The following SLC12A1 variants were observed in gnomAD, a reference collection of about 807,000 sequenced individuals.
SLC12A1 encodes the protein solute carrier family 12 member 1, also known as Na-K-2Cl cotransporter.
SLC12A1 carries 89 observed loss-of-function variants against 130.4 expected under a neutral mutation model. The observed-to-expected ratio is 0.68, with a 90% confidence interval of 0.58 to 0.81. The LOEUF (loss-of-function observed/expected upper bound fraction) is 0.81, where lower values mean the gene tolerates loss of function less well. Ranked by LOEUF, SLC12A1 falls within the 40% of genes least tolerant of loss-of-function variation. The pLI, the probability that SLC12A1 is intolerant of heterozygous loss-of-function variation, is 0.00. For missense variants in SLC12A1, 1,310 were observed against 1,336.4 expected (o/e 0.98, Z 0.31); for synonymous variants, 499 against 460.0 (o/e 1.08, Z -1.09).
At chr15:48,209,578 T>G (rs1346628866) in intron 2 of SLC12A1, among the ~76,000 whole-genome samples, 3 of 152,238 alleles carry the variant, frequency 2.0e-5, no homozygotes, top group Non-Finnish European at 2.9e-5. Context: ...TTCAAACAGT[T>G]CCTTTTGTAT....
rs149253202 is a variant in SLC12A1 at position 48,283,774 on chromosome 15, T to C, written c.2486-1332T>C. The stretch of plus-strand genomic sequence containing the variant: ...TGTAACACTGAATCTAGGTTTTCTA[T>C]CCTCTTCCTCTGAGCATTGCTCATT... On this transcript the variant is annotated intron_variant, in intron 20 of 26. Transcript: ENST00000380993. 3.2e-3 allele frequency among the ~76,000 whole-genome samples: 486 copies of C among 152,344 alleles called. 2 individuals carry two copies. Among genetic ancestry groups the C allele is most frequent in the African/African-American group, 0.011 (467 of 41,586 alleles).
At chr15:48,283,234 T>A (rs1361377324) in intron 20 of SLC12A1, among the ~76,000 whole-genome samples, 1 of 152,220 alleles carries the variant, frequency 6.6e-6, no homozygotes, top group East Asian at 1.9e-4. Flanking sequence ...TTTATTCTTT[T>A]TGCAAAGCTT....
At chr15:48,216,800 A>T (rs1181406830) in intron 2 of SLC12A1, among the ~76,000 whole-genome samples, 1 of 152,242 alleles carries the variant, frequency 6.6e-6, no homozygotes, top group Non-Finnish European at 1.5e-5. Flanking sequence ...TATGAAAAAA[A>T]TGAAAGTTAC....
chr15:48,253,210 C>T (rs1254514045), intron 15 of SLC12A1, among the ~76,000 whole-genome samples: 1 of 152,192 alleles, frequency 6.6e-6, no homozygotes, highest in Admixed American at 6.5e-5. Context: ...ATATAACTTA[C>T]ATATGGCAAA....
In SLC12A1 at chr15:48,284,875, C is replaced by A. The variant is rs113007974; in HGVS notation, c.2486-231C>A. On this transcript the variant is annotated intron_variant, in intron 20 of 26. Transcript: ENST00000380993. ...CAAACTCCTGGGCTCAAACGATACA[C>A]CCATCTTGGCTTCCCAAAGTGCTGA... 4.9e-3 allele frequency among the ~76,000 whole-genome samples: 742 copies of A among 152,300 alleles called. 8 individuals carry two copies. The highest frequency in any genetic ancestry group is 0.044 in the Middle Eastern group (13 of 294).
intron 7 of SLC12A1, 51 bp downstream of exon 7, chr15:48,230,554 C>A: frequency 1.7e-6 from 2 of 1,143,850 alleles, no homozygotes; most frequent in Admixed American, 1.9e-5. Flanking sequence ...AGGTCCTGAA[C>A]AAATTGCAGG....
At chr15:48,227,293 T>C (rs2041302746) in intron 5 of SLC12A1, 2 of 803,370 alleles carry the variant, frequency 2.5e-6, no homozygotes, top group Admixed American at 4.9e-5. Flanking sequence ...CTAAACAAAA[T>C]AACCCAAAAT....
chr15:48,286,392 T>C (rs1201769822), intron 21 of SLC12A1, among the ~76,000 whole-genome samples: 1 of 152,204 alleles, frequency 6.6e-6, no homozygotes, highest in African/African-American at 2.4e-5. Flanking sequence ...CATCAGGACT[T>C]TTAGGGTGAA....
At chr15:48,214,687 C>A (rs950795780) in intron 2 of SLC12A1, among the ~76,000 whole-genome samples, 3 of 152,056 alleles carry the variant, frequency 2.0e-5, no homozygotes, top group African/African-American at 7.2e-5. Context: ...ATATGTTTTT[C>A]ATTCTGAAAT....
intron 2 of SLC12A1, among the ~76,000 whole-genome samples, chr15:48,210,350 A>G (rs909508599): frequency 2.0e-5 from 3 of 152,210 alleles, no homozygotes; most frequent in Non-Finnish European, 4.4e-5. Context: ...TAGTGTCACA[A>G]TTTAAATATT....
At chr15:48,207,184 T>G (rs1221176179) in intron 1 of SLC12A1, among the ~76,000 whole-genome samples, 1 of 152,202 alleles carries the variant, frequency 6.6e-6, no homozygotes. Flanking sequence ...GTCAGTGAAC[T>G]GTGTCTTAGG....
chr15:48,275,364 A>G (rs530370193), intron 20 of SLC12A1, among the ~76,000 whole-genome samples: 2 of 152,336 alleles, frequency 1.3e-5, no homozygotes, highest in East Asian at 3.9e-4. Context: ...TACCAGGCAT[A>G]GTGTAGGTGC....
intron 24 of SLC12A1, among the ~76,000 whole-genome samples, chr15:48,295,968 G>T (rs2042174164): frequency 6.6e-6 from 1 of 152,308 alleles, no homozygotes; most frequent in East Asian, 1.9e-4. Context: ...TGGCACATTT[G>T]TAATACCTTA....
At chr15:48,287,175 G>A (rs928128533) in intron 21 of SLC12A1, among the ~76,000 whole-genome samples, 87 of 152,116 alleles carry the variant, frequency 5.7e-4, no homozygotes, top group African/African-American at 2.0e-3. Context: ...TGCTACGTAC[G>A]CTGTGGCAAA....
intron 20 of SLC12A1, among the ~76,000 whole-genome samples, chr15:48,277,233 C>T (rs2041962610): frequency 2.0e-5 from 3 of 151,418 alleles, no homozygotes; most frequent in Admixed American, 6.6e-5. Context: ...AAAGGGGCGA[C>T]CCACGGAGTA....
chr15:48,225,053 G>A (rs1226181065), intron 4 of SLC12A1: 2 of 152,164 alleles, frequency 1.3e-5, no homozygotes, highest in African/African-American at 4.8e-5. Flanking sequence ...TATAACTACT[G>A]TGAATATGAT....
intron 23 of SLC12A1, among the ~76,000 whole-genome samples, chr15:48,291,509 C>A (rs1288107244): frequency 6.6e-6 from 1 of 152,106 alleles, no homozygotes; most frequent in Non-Finnish European, 1.5e-5. Flanking sequence ...ATTCTGTTCC[C>A]TGTGACATAA....
chr15:48,230,377 T>A lies in SLC12A1; in HGVS notation c.865-16T>A. The A allele has an allele frequency of 6.5e-7, 1 of 1,536,506 alleles. No homozygotes were observed. Among genetic ancestry groups the A allele is most frequent in the Non-Finnish European group, 9.0e-7 (1 of 1,113,380 alleles). ...AAAAGCTGTATCTCTAAGCACTTAA[T>A]AATTTGTTTCCCCAGGAGAGTGATT... On this transcript the variant is annotated splice_polypyrimidine_tract_variant and intron_variant, in intron 6 of 26. Coordinates refer to ENST00000380993, the MANE Select transcript of SLC12A1 (RefSeq NM_000338.3).
At chr15:48,225,521 G>A (rs1174496023) in intron 4 of SLC12A1, 2 of 152,140 alleles carry the variant, frequency 1.3e-5, no homozygotes, top group Admixed American at 6.5e-5. Flanking sequence ...GAGGCCAGGA[G>A]TTTGAGACCA....
Sources: gnomAD v4.1 joint callset for allele counts (sites outside exome capture counted in the v4.1 genomes callset) on GRCh38, gnomAD v4.1.1 for gene constraint, MANE v1.5 for transcripts, NCBI Gene and HGNC (gene_info 2026-07-23, HGNC 2026-07-21) for gene names.